LEKR1: variants seen among roughly 807,000 people sequenced by gnomAD.
LEKR1 encodes the protein protein LEKR1.
A neutral mutation model predicts 72.4 loss-of-function variants in LEKR1; 59 were observed. The observed-to-expected ratio is 0.82, with a 90% CI of 0.66 to 1.01. LEKR1 has a LOEUF of 1.01. Ranked by LOEUF, LEKR1 falls within the 50% of genes least tolerant of loss-of-function variation. LEKR1 has a pLI of 0.00. For missense variants in LEKR1, 728 were observed against 759.2 expected, an observed-to-expected ratio of 0.96 and a Z score of 0.48; for synonymous variants, 257 against 263.2, an observed-to-expected ratio of 0.98 and a Z score of 0.23.
intron 10 of LEKR1, among the ~76,000 whole-genome samples, chr3:157,023,700 CAGAGCCAGGATTA>C (rs1392539694): frequency 1.3e-5 from 2 of 152,138 alleles, no homozygotes; most frequent in Admixed American, 1.3e-4. Flanking sequence ...TAGGAAGTAG[CAGAGCCAGGATTA>C]AGAGCCAGGA....
intron 12 of LEKR1, among the ~76,000 whole-genome samples, chr3:157,036,190 A>C (rs1253756619): frequency 4.6e-5 from 7 of 152,226 alleles, no homozygotes; most frequent in African/African-American, 1.7e-4. Flanking sequence ...GAGCTTAAAA[A>C]TGTATAATTA....
At chr3:156,919,138 C>T (rs1038560343) in intron 3 of LEKR1, among the ~76,000 whole-genome samples, 1 of 152,158 alleles carries the variant, frequency 6.6e-6, no homozygotes, top group Non-Finnish European at 1.5e-5. Context: ...TCGAGAGTAC[C>T]CTCCAAATCA....
chr3:156,963,576 C>G (rs1188565533), intron 6 of LEKR1, among the ~76,000 whole-genome samples: 1 of 152,154 alleles, frequency 6.6e-6, no homozygotes, highest in Non-Finnish European at 1.5e-5. Context: ...TAGCTAATCA[C>G]TGGTACTATC....
chr3:157,039,176 G>A (rs537129130), intron 12 of LEKR1, among the ~76,000 whole-genome samples: 2 of 152,348 alleles, frequency 1.3e-5, no homozygotes, highest in African/African-American at 4.8e-5. Flanking sequence ...TACCTTAGAA[G>A]TGTAGGAAGA....
intron 12 of LEKR1, among the ~76,000 whole-genome samples, chr3:157,038,015 T>A (rs976816281): frequency 6.6e-6 from 1 of 152,216 alleles, no homozygotes; most frequent in African/African-American, 2.4e-5. Context: ...TCGTAGGCTA[T>A]GATAAGGTCT....
At chr3:156,883,194 C>T (rs1719659963) in intron 3 of LEKR1, among the ~76,000 whole-genome samples, 2 of 149,964 alleles carry the variant, frequency 1.3e-5, no homozygotes, top group African/African-American at 4.9e-5. Context: ...GATTTGACTG[C>T]CCCACTTGAT....
chr3:156,923,236 A>G (rs1273717751), intron 4 of LEKR1, among the ~76,000 whole-genome samples: 1 of 152,186 alleles, frequency 6.6e-6, no homozygotes, highest in East Asian at 1.9e-4. Flanking sequence ...GAGTTGTGCC[A>G]CCAAATGTTA....
chr3:157,016,158 CAA>C (rs58870589), intron 10 of LEKR1, among the ~76,000 whole-genome samples: 7 of 151,332 alleles, frequency 4.6e-5, no homozygotes, highest in Admixed American at 3.9e-4. Flanking sequence ...GAAGAGGGAA[CAA>C]AAAAAATTGA....
At chr3:156,955,162 C>T (rs1409461819) in intron 6 of LEKR1, among the ~76,000 whole-genome samples, 1 of 151,566 alleles carries the variant, frequency 6.6e-6, no homozygotes, top group African/African-American at 2.4e-5. Context: ...TCTTGGCTCA[C>T]CTGTTGTTGA....
At chr3:156,885,069 A>G (rs1266087132) in intron 3 of LEKR1, among the ~76,000 whole-genome samples, 1 of 152,044 alleles carries the variant, frequency 6.6e-6, no homozygotes, top group Non-Finnish European at 1.5e-5. Flanking sequence ...GTTCTAGTCT[A>G]TTGTTGAAAC....
rs144390200 is a variant in LEKR1 at position 156,877,590 on chromosome 3, C to G, written c.263+24608C>G. 6.3e-3 allele frequency among the ~76,000 whole-genome samples: 958 copies of G among 151,864 alleles called. 11 individuals are homozygous for G. Among genetic ancestry groups the G allele is most frequent in the African/African-American group, 0.022 (918 of 41,294 alleles). ...AATGTATCCATTTCCCGTAGATTTT[C>G]TGGATTGTGTGTATAAAAGTGTTCA... On this transcript the variant is annotated intron_variant, in intron 3 of 12. Transcript: ENST00000356539.
intron 3 of LEKR1, among the ~76,000 whole-genome samples, chr3:156,869,355 G>A (rs540990922): frequency 6.6e-6 from 1 of 151,970 alleles, no homozygotes; most frequent in African/African-American, 2.4e-5. Flanking sequence ...ATCCTCACCA[G>A]CATCTGTTAT....
chr3:156,859,352 C>G (rs1245210374), intron 3 of LEKR1, among the ~76,000 whole-genome samples: 1 of 152,086 alleles, frequency 6.6e-6, no homozygotes, highest in Non-Finnish European at 1.5e-5. Context: ...CCTTCTTGAC[C>G]TTAAATTTTT....
At chr3:156,945,771 A>G (rs1726621534) in intron 6 of LEKR1, among the ~76,000 whole-genome samples, 1 of 151,188 alleles carries the variant, frequency 6.6e-6, no homozygotes, top group Non-Finnish European at 1.5e-5. Flanking sequence ...GATGCATGAA[A>G]TTGTTTGTAT....
chr3:157,013,483 C>T (rs1310506658), intron 10 of LEKR1, among the ~76,000 whole-genome samples: 1 of 152,050 alleles, frequency 6.6e-6, no homozygotes, highest in African/African-American at 2.4e-5. Flanking sequence ...AAAAATGATT[C>T]TATATAATAT....
chr3:156,911,431 T>C (rs892943755), intron 3 of LEKR1, among the ~76,000 whole-genome samples: 1 of 152,108 alleles, frequency 6.6e-6, no homozygotes, highest in Admixed American at 6.6e-5. Flanking sequence ...AGTTTGTGAA[T>C]GTTTTCTCCC....
Position 156,993,161 on chromosome 3 carries a change from AG to A in LEKR1, c.994del (p.Glu332LysfsTer7), listed in dbSNP as rs771475532. The A allele has an allele frequency of 3.0e-5, 49 of 1,612,296 alleles. No individual in the cohort carries two copies. The highest frequency in any genetic ancestry group is 3.8e-5 in the Non-Finnish European group (45 of 1,178,824). On this transcript the variant is annotated frameshift_variant, in exon 9 of 13. Transcript: ENST00000356539. LOFTEE classifies it high-confidence loss of function. ...CATTACAGGAAGAGCTGACTGTGAAAGAAAAGCAAGAAGAAGACATAAAGAG... is the reference window on the plus strand; with the variant it reads ...CATTACAGGAAGAGCTGACTGTGAAAAAAAGCAAGAAGAAGACATAAAGAG... Reference protein sequence around the residue: ...KALQEELTVKEKQEEDIKRRI... With the variant: ...KALQEELTVKXKQEEDIKRRI...
At chr3:156,869,239 G>A (rs914457054) in intron 3 of LEKR1, among the ~76,000 whole-genome samples, 6 of 152,060 alleles carry the variant, frequency 3.9e-5, no homozygotes, top group Admixed American at 3.9e-4. Flanking sequence ...TAGATTGTAT[G>A]GCAGTACTGT....
intron 3 of LEKR1, among the ~76,000 whole-genome samples, chr3:156,856,289 G>A (rs539093357): frequency 1.1e-4 from 16 of 152,148 alleles, no homozygotes; most frequent in African/African-American, 3.9e-4. Context: ...TTTCTGGACG[G>A]TCTGTTTTGT....
Sources: gnomAD v4.1 joint callset for allele counts (sites outside exome capture counted in the v4.1 genomes callset) on GRCh38, gnomAD v4.1.1 for gene constraint, MANE v1.5 for transcripts, NCBI Gene and HGNC (gene_info 2026-07-23, HGNC 2026-07-21) for gene names.